The following GLB1L2 variants were observed in gnomAD, a reference collection of about 807,000 sequenced individuals.
The protein encoded by GLB1L2 is beta-galactosidase-1-like protein 2.
Under a neutral mutation model 84.1 loss-of-function variants are expected in GLB1L2, and 68 were observed. The ratio of observed to expected loss-of-function variants is 0.81; its 90% CI spans 0.67 to 0.99. GLB1L2 has a LOEUF of 0.99. GLB1L2 is among the 50% of genes least tolerant of loss of function. GLB1L2 has a pLI of 0.00. For synonymous variants in GLB1L2, 290 were observed against 318.0 expected (o/e 0.91, Z 0.94); for missense variants, 762 against 805.6 (o/e 0.95, Z 0.66).
At chr11:134,362,058 T>G (rs931825719) in intron 7 of GLB1L2, among the ~76,000 whole-genome samples, 21 of 152,128 alleles carry the variant, frequency 1.4e-4, no homozygotes, top group African/African-American at 5.1e-4. Context: ...CGTCCTCGGG[T>G]CTTTCGGTCA....
intron 16 of GLB1L2, 144 bp from the exon 17 acceptor site, chr11:134,374,001 C>G: frequency 1.4e-6 from 1 of 736,966 alleles, no homozygotes; most frequent in Middle Eastern, 3.6e-4. Context: ...TTCCCAGCAT[C>G]CTACCGTGCT....
chr11:134,364,359 C>T lies in GLB1L2; in HGVS notation c.765C>T (p.His255=), dbSNP rs139338435. 6.6e-5 allele frequency: 107 copies of T among 1,614,024 alleles called. No homozygotes were observed. The highest frequency in any genetic ancestry group is 3.3e-4 in the Admixed American group (20 of 59,994). Residue 255 remains histidine, a synonymous_variant, in exon 8 of 19, where the codon CAC becomes CAT. Coordinates refer to ENST00000535456, the MANE Select transcript of GLB1L2 (RefSeq NM_001370461.1). ...CCACCATCAACTTGCAGTCAACACA[C>T]GAGCTGCAGCTACTGACCACCTTTC... The part of the protein sequence containing the change: ...VLATINLQST[H]ELQLLTTFLF...
In GLB1L2 at chr11:134,345,062, G is replaced by C. The variant is rs373525902; in HGVS notation, c.382G>C (p.Gly128Arg). The C allele has an allele frequency of 3.1e-6, 5 of 1,613,412 alleles. No homozygotes were observed. Among genetic ancestry groups the C allele is most frequent in the East Asian group, 4.5e-5 (2 of 44,848 alleles). Residue 128 changes from glycine to arginine, a missense_variant, in exon 4 of 19, where the codon GGG becomes CGG. This residue lies in a region of GLB1L2 where 59 missense variants were observed against 105.1 expected (regional missense o/e 0.56). Transcript: ENST00000535456. Reference protein sequence around the residue: ...EAFVLMAAEIGLWVILRPGPY... With the variant: ...EAFVLMAAEIRLWVILRPGPY... ...CTTCGTCCTGATGGCCGCAGAGATC[G>C]GGCTGTGGGTGATTCTGCGTCCAGG...
chr11:134,353,910 A>G (rs1031852563), intron 5 of GLB1L2, among the ~76,000 whole-genome samples: 1 of 152,118 alleles, frequency 6.6e-6, no homozygotes, highest in African/African-American at 2.4e-5. Flanking sequence ...TTCACTTCCA[A>G]CCAATAAATA....
At chr11:134,362,768 G>C (rs1943813699) in intron 7 of GLB1L2, among the ~76,000 whole-genome samples, 1 of 152,230 alleles carries the variant, frequency 6.6e-6, no homozygotes, top group Non-Finnish European at 1.5e-5. Flanking sequence ...CCGAGGAGGG[G>C]ATGGGCCCAG....
chr11:134,359,588 C>G (rs889604749), intron 7 of GLB1L2: 1 of 155,332 alleles, frequency 6.4e-6, no homozygotes, highest in African/African-American at 2.4e-5. Context: ...TAGCAGCACC[C>G]CTGGCCTGCA....
At chr11:134,356,444 T>C (rs770367811) in intron 6 of GLB1L2, 51 bp downstream of exon 6, 1 of 1,338,238 alleles carries the variant, frequency 7.5e-7, no homozygotes, top group Non-Finnish European at 1.1e-6. Flanking sequence ...TGGAGTGTGC[T>C]ATAGGCTGTG....
intron 7 of GLB1L2, chr11:134,359,443 C>T (rs938206807): frequency 1.2e-5 from 3 of 248,924 alleles, no homozygotes; most frequent in Admixed American, 5.6e-5. Flanking sequence ...ATCGCAGCTC[C>T]GTTCTTCCCA....
At chr11:134,343,540 GGT>G (rs1943501632) in intron 2 of GLB1L2, among the ~76,000 whole-genome samples, 1 of 152,176 alleles carries the variant, frequency 6.6e-6, no homozygotes. Context: ...AAATAAAGGG[GGT>G]GATCAGGCTG....
rs1169929550 is a variant in GLB1L2 at position 134,364,414 on chromosome 11, G to A, written c.804+16G>A. ...CAACGTCCAGGTAAGTCCAGCCCCAGGGAAGCTGCGGCCCGCCCTGCTCAG... is the reference window on the plus strand; with the variant it reads ...CAACGTCCAGGTAAGTCCAGCCCCAAGGAAGCTGCGGCCCGCCCTGCTCAG... On this transcript the variant is annotated intron_variant, in intron 8 of 18. Transcript: ENST00000535456. 1.9e-6 allele frequency: 3 copies of A among 1,603,992 alleles called. No homozygotes were observed. The highest frequency in any genetic ancestry group is 2.6e-6 in the Non-Finnish European group (3 of 1,171,520).
intron 5 of GLB1L2, among the ~76,000 whole-genome samples, chr11:134,352,646 CTTCTT>C (rs925200974): frequency 3.4e-5 from 5 of 147,976 alleles, no homozygotes; most frequent in African/African-American, 1.2e-4. Flanking sequence ...CTCAATATGT[CTTCTT>C]TTTTTTTTTT....
At chr11:134,332,542 C>T (rs1012694761) in intron 1 of GLB1L2, among the ~76,000 whole-genome samples, 1 of 152,156 alleles carries the variant, frequency 6.6e-6, no homozygotes, top group African/African-American at 2.4e-5. Flanking sequence ...TCCCCCAGGC[C>T]CCCCTTTTCC....
intron 1 of GLB1L2, among the ~76,000 whole-genome samples, chr11:134,335,040 T>C (rs1943360993): frequency 6.6e-6 from 1 of 152,114 alleles, no homozygotes; most frequent in Non-Finnish European, 1.5e-5. Context: ...GGGAAAGCCT[T>C]CATGTGGGCA....
chr11:134,358,889 G>A (rs1943742691), intron 6 of GLB1L2, among the ~76,000 whole-genome samples, 171 bp from the exon 7 acceptor site: 1 of 152,268 alleles, frequency 6.6e-6, no homozygotes, highest in South Asian at 2.1e-4. Context: ...GAGCTGTGCT[G>A]AGCATGGCCG....
In GLB1L2 at chr11:134,356,283, T is replaced by A; in HGVS notation, c.559-18T>A. The stretch of plus-strand genomic sequence containing the variant: ...CCCCTGCACACTCAGCTCCTGGTTT[T>A]CTGTCTTTTCTCCGCAGTACAAGCG... On this transcript the variant is annotated intron_variant, in intron 5 of 18. Transcript: ENST00000535456. 1 of 1,607,400 alleles carries A rather than the reference T, an allele frequency of 6.2e-7. No individual in the cohort carries two copies. Among genetic ancestry groups the A allele is most frequent in the Non-Finnish European group, 8.5e-7 (1 of 1,174,040 alleles).
intron 9 of GLB1L2, 23 bp from the exon 10 acceptor site, chr11:134,368,621 C>T (rs887683158): frequency 1.9e-6 from 3 of 1,612,566 alleles, no homozygotes; most frequent in African/African-American, 1.3e-5. Context: ...CTCTGCACAT[C>T]CCCTTTCTCC....
chr11:134,375,094 A>T lies in GLB1L2; in HGVS notation c.*36A>T. 5 of 1,555,788 alleles carry T rather than the reference A, an allele frequency of 3.2e-6. No homozygotes were observed. The highest frequency in any genetic ancestry group is 4.4e-6 in the Non-Finnish European group (5 of 1,131,554). ...CCCCTCCTGCTGGTGCCAGTGGGAG[A>T]CTGCCGCCTCCTCTTGACCTGAAGC... On this transcript the variant is annotated 3_prime_UTR_variant, in exon 19 of 19. Coordinates refer to ENST00000535456, the MANE Select transcript of GLB1L2 (RefSeq NM_001370461.1).
At chr11:134,364,531 C>G (rs1943840340) in intron 8 of GLB1L2, 133 bp downstream of exon 8, 3 of 717,348 alleles carry the variant, frequency 4.2e-6, no homozygotes, top group Non-Finnish European at 7.1e-6. Context: ...GGCCCCCCGC[C>G]CATGCCACTG....
Position 134,370,900 on chromosome 11 carries a change from C to T in GLB1L2, c.1216-108C>T, listed in dbSNP as rs1943943621. ...TGCAATGAGAAGTCAAAGTAGAAAACACCCACCAAACCTCCGCTTCCACCC... is the reference window on the plus strand; with the variant it reads ...TGCAATGAGAAGTCAAAGTAGAAAATACCCACCAAACCTCCGCTTCCACCC... On this transcript the variant is annotated intron_variant, in intron 12 of 18. Transcript: ENST00000535456. This position sits in a 1 kb window ranked among gnomAD's most constrained non-coding sequence, Gnocchi z 4.7. The T allele has an allele frequency of 4.0e-6, 5 of 1,262,074 alleles. No homozygotes were observed. Among genetic ancestry groups the T allele is most frequent in the African/African-American group, 1.5e-5 (1 of 66,816 alleles). The allele number at this position is 1,262,074 out of a possible 1,614,324, so 78.2% of individuals were successfully genotyped here.
Sources: gnomAD v4.1 joint callset for allele counts (sites outside exome capture counted in the v4.1 genomes callset) on GRCh38, gnomAD v4.1.1 for gene constraint, gnomAD v4.1.1 regional missense constraint, Gnocchi (gnomAD v3.1) non-coding constraint, MANE v1.5 for transcripts, NCBI Gene and HGNC (gene_info 2026-07-23, HGNC 2026-07-21) for gene names.